Variants in OR2L13 observed in about 807,000 individuals in gnomAD.
OR2L13 encodes olfactory receptor family 2 subfamily L member 13, also known as olfactory receptor 2L13.
OR2L13 carries 14 observed loss-of-function variants against 15.3 expected under a neutral mutation model. That is an observed-to-expected ratio of 0.91 (90% CI 0.60 to 1.43). OR2L13 has a LOEUF of 1.43. Ranked by LOEUF, OR2L13 falls within the 40% of genes most tolerant of loss-of-function variation. The probability of loss-of-function intolerance (pLI) is 0.00; values close to 1 mark genes in which losing one functional copy is unlikely to be tolerated. For synonymous variants in OR2L13, 152 were observed against 142.9 expected (o/e 1.06, Z -0.45); for missense variants, 367 against 387.9 (o/e 0.95, Z 0.45).
chr1:247,994,212 C>G, the OR2L13 span, among the ~76,000 whole-genome samples: 3 of 151,994 alleles, frequency 2.0e-5, no homozygotes, highest in African/African-American at 7.3e-5. Flanking sequence ...CTGGCTAACA[C>G]GGTGAAAACC....
chr1:247,979,938 A>G, the OR2L13 span, among the ~76,000 whole-genome samples: 1 of 152,220 alleles, frequency 6.6e-6, no homozygotes, highest in East Asian at 1.9e-4. Flanking sequence ...TGATTAGATC[A>G]TTATATAACA....
the OR2L13 span, among the ~76,000 whole-genome samples, chr1:248,002,719 G>T: frequency 6.6e-6 from 1 of 152,016 alleles, no homozygotes; most frequent in Non-Finnish European, 1.5e-5. Flanking sequence ...TTAGCCAGGC[G>T]TGGTGGCGGG....
At chr1:248,084,364 T>G in the OR2L13 span, 1 of 1,613,164 alleles carries the variant, frequency 6.2e-7, no homozygotes, top group Non-Finnish European at 8.5e-7. Context: ...GCCGCCATTT[T>G]GGGCACAGTG....
At chr1:248,017,595 C>T in the OR2L13 span, among the ~76,000 whole-genome samples, 1 of 152,158 alleles carries the variant, frequency 6.6e-6, no homozygotes, top group Admixed American at 6.5e-5. Flanking sequence ...CTTCCCCTTT[C>T]GGGGCAGTAG....
chr1:247,968,415 T>C, the OR2L13 span, among the ~76,000 whole-genome samples: 2 of 152,172 alleles, frequency 1.3e-5, no homozygotes, highest in African/African-American at 4.8e-5. Flanking sequence ...TACATAGGTA[T>C]ACATATGCCA....
the OR2L13 span, chr1:248,004,055 T>C: frequency 6.2e-7 from 1 of 1,609,430 alleles, no homozygotes; most frequent in Non-Finnish European, 8.5e-7. Flanking sequence ...GAGAATCTGC[T>C]CTGTGAAAAT....
the OR2L13 span, among the ~76,000 whole-genome samples, chr1:248,012,648 A>G: frequency 5.9e-5 from 9 of 152,154 alleles, no homozygotes; most frequent in African/African-American, 2.2e-4. Flanking sequence ...TTTGAAATGC[A>G]AGAATATCAA....
At chr1:247,965,956 C>T in the OR2L13 span, 1 of 1,608,702 alleles carries the variant, frequency 6.2e-7, no homozygotes, top group Admixed American at 1.7e-5. Context: ...GGACACCTCC[C>T]AGTATGAGTA....
chr1:247,968,192 A>G, the OR2L13 span, among the ~76,000 whole-genome samples: 2 of 152,180 alleles, frequency 1.3e-5, no homozygotes, highest in South Asian at 4.1e-4. Context: ...AAAGGAGAAT[A>G]TGACTCCACT....
the OR2L13 span, among the ~76,000 whole-genome samples, chr1:248,031,775 C>A: frequency 6.6e-6 from 1 of 151,936 alleles, no homozygotes; most frequent in Admixed American, 6.6e-5. Context: ...ATTTGCATTC[C>A]TAAACAGTTA....
chr1:247,994,291 A>G, the OR2L13 span, among the ~76,000 whole-genome samples: 129 of 152,188 alleles, frequency 8.5e-4, no homozygotes, highest in South Asian at 8.5e-3. Context: ...CGGCTGCTTG[A>G]GAGGCTGAGG....
the OR2L13 span, among the ~76,000 whole-genome samples, chr1:247,998,614 TTAAAG>T: frequency 1.3e-5 from 2 of 152,148 alleles, no homozygotes; most frequent in African/African-American, 4.8e-5. Flanking sequence ...TAAAAGGGCA[TTAAAG>T]TAAAGGCACA....
At chr1:247,955,605 C>T in the OR2L13 span, among the ~76,000 whole-genome samples, 1 of 150,186 alleles carries the variant, frequency 6.7e-6, no homozygotes, top group Non-Finnish European at 1.5e-5. Flanking sequence ...TCCTCTCCAG[C>T]ACCTGTTGTT....
chr1:248,064,827 G>T, the OR2L13 span, among the ~76,000 whole-genome samples: 7 of 152,146 alleles, frequency 4.6e-5, no homozygotes, highest in Non-Finnish European at 7.3e-5. Context: ...TCATGCCAGT[G>T]TCTCTGTGAA....
chr1:247,996,084 C>T, the OR2L13 span, among the ~76,000 whole-genome samples: 1 of 152,214 alleles, frequency 6.6e-6, no homozygotes, highest in Non-Finnish European at 1.5e-5. Flanking sequence ...TGATTTGAGG[C>T]ATCCTTCCTC....
At chr1:248,073,472 G>C in the OR2L13 span, among the ~76,000 whole-genome samples, 33 of 151,210 alleles carry the variant, frequency 2.2e-4, no homozygotes, top group Admixed American at 6.6e-4. Context: ...TCTGAGGACT[G>C]TTGTGGGGTG....
At chr1:247,958,409 G>C in the OR2L13 span, among the ~76,000 whole-genome samples, 1 of 152,196 alleles carries the variant, frequency 6.6e-6, no homozygotes, top group African/African-American at 2.4e-5. Context: ...TGAAAAAAAT[G>C]TGTATTCTGT....
chr1:248,072,843 G>T, the OR2L13 span, among the ~76,000 whole-genome samples: 1 of 151,822 alleles, frequency 6.6e-6, no homozygotes, highest in Non-Finnish European at 1.5e-5. Flanking sequence ...CTCAAAAGAA[G>T]ACGTTTATGC....
the OR2L13 span, among the ~76,000 whole-genome samples, chr1:247,981,896 A>G: frequency 6.6e-6 from 1 of 151,788 alleles, no homozygotes; most frequent in Admixed American, 6.6e-5. Context: ...GCTCACAGCA[A>G]GCTCCGCCTC....
Sources: gnomAD v4.1 joint callset for allele counts (sites outside exome capture counted in the v4.1 genomes callset) on GRCh38, gnomAD v4.1.1 for gene constraint, MANE v1.5 for transcripts, NCBI Gene and HGNC (gene_info 2026-07-23, HGNC 2026-07-21) for gene names.